GPHN: variants seen among roughly 807,000 people sequenced by gnomAD.
The protein encoded by GPHN is gephyrin.
Under a neutral mutation model 95.5 loss-of-function variants are expected in GPHN, and 17 were observed. The observed-to-expected ratio is 0.18, with a 90% CI of 0.12 to 0.27. GPHN has a LOEUF of 0.27. GPHN is among the 10% of genes least tolerant of loss of function. The probability of loss-of-function intolerance (pLI) is 1.00; values close to 1 mark genes in which losing one functional copy is unlikely to be tolerated. For synonymous variants in GPHN, 320 were observed against 322.5 expected (o/e 0.99, Z 0.08); for missense variants, 660 against 978.1 (o/e 0.67, Z 4.34).
At chr14:66,859,033 C>G (rs1207753175) in intron 4 of GPHN, among the ~76,000 whole-genome samples, 9 of 152,008 alleles carry the variant, frequency 5.9e-5, no homozygotes, top group Admixed American at 5.2e-4. Context: ...TAATTCCAGT[C>G]CCTCGCTCCC....
At chr14:67,673,189 A>G in the GPHN span, among the ~76,000 whole-genome samples, 1 of 152,184 alleles carries the variant, frequency 6.6e-6, no homozygotes. Context: ...CTAAAAATAC[A>G]AAAATAATTA....
intron 1 of GPHN, among the ~76,000 whole-genome samples, chr14:66,572,859 C>G (rs2060751961): frequency 2.0e-5 from 3 of 152,154 alleles, no homozygotes; most frequent in Admixed American, 2.0e-4. Context: ...AAGCTTTCAA[C>G]TTTCTACTGT....
chr14:67,712,156 G>A, the GPHN span, among the ~76,000 whole-genome samples: 6 of 152,020 alleles, frequency 3.9e-5, no homozygotes, highest in African/African-American at 7.3e-5. Context: ...CTGACCTCAC[G>A]TGATCCACAC....
chr14:67,343,459 T>C, the GPHN span: 1 of 1,514,822 alleles, frequency 6.6e-7, no homozygotes, highest in Non-Finnish European at 9.2e-7. Context: ...AACAAATTAA[T>C]AATGTAAGCA....
intron 2 of GPHN, among the ~76,000 whole-genome samples, chr14:66,722,098 T>C (rs2070804614): frequency 6.6e-6 from 1 of 151,944 alleles, no homozygotes; most frequent in Non-Finnish European, 1.5e-5. Flanking sequence ...CTTTATTACT[T>C]ATAAACAAAG....
At chr14:67,121,397 A>G (rs2079003351) in intron 16 of GPHN, among the ~76,000 whole-genome samples, 1 of 152,188 alleles carries the variant, frequency 6.6e-6, no homozygotes, top group South Asian at 2.1e-4. Context: ...TAAAGAAAGG[A>G]AAGAGAATCA....
the GPHN span, chr14:67,569,933 C>T: frequency 6.2e-7 from 1 of 1,607,718 alleles, no homozygotes; most frequent in Non-Finnish European, 8.5e-7. Context: ...TCAAGCCCTC[C>T]TGCCCTTGTT....
chr14:67,405,672 T>C, the GPHN span, among the ~76,000 whole-genome samples: 1 of 152,224 alleles, frequency 6.6e-6, no homozygotes, highest in South Asian at 2.1e-4. Context: ...GGCTTCTTAT[T>C]GGCATTCTCT....
the GPHN span, among the ~76,000 whole-genome samples, chr14:67,393,741 A>G: frequency 1.5e-4 from 23 of 152,240 alleles, no homozygotes; most frequent in African/African-American, 5.1e-4. Flanking sequence ...GGTGTGAGCC[A>G]CCGTGCCTGG....
At chr14:67,347,720 G>A in the GPHN span, among the ~76,000 whole-genome samples, 1 of 151,818 alleles carries the variant, frequency 6.6e-6, no homozygotes, top group Admixed American at 6.6e-5. Flanking sequence ...GGTTGGTCTT[G>A]AACTTCCGAC....
chr14:67,424,688 C>G, the GPHN span, among the ~76,000 whole-genome samples: 2 of 151,870 alleles, frequency 1.3e-5, no homozygotes, highest in East Asian at 3.9e-4. Flanking sequence ...ATCCGGCATT[C>G]TCCCTGGTCT....
the GPHN span, among the ~76,000 whole-genome samples, chr14:67,700,485 G>A: frequency 6.6e-6 from 1 of 152,048 alleles, no homozygotes; most frequent in Admixed American, 6.6e-5. Flanking sequence ...GGAGGCCGAG[G>A]TGGGCAGATC....
chr14:67,112,010 A>T (rs41301475), intron 15 of GPHN, 91 bp downstream of exon 15: 4 of 968,234 alleles, frequency 4.1e-6, no homozygotes, highest in Non-Finnish European at 3.3e-6. Flanking sequence ...ATCTGCAGCC[A>T]TGTCAGTTAG....
At chr14:67,571,729 T>C in the GPHN span, 5 of 1,604,656 alleles carry the variant, frequency 3.1e-6, no homozygotes, top group Non-Finnish European at 4.3e-6. Flanking sequence ...TGAGCTGCAG[T>C]GAGGGAGGGG....
chr14:66,557,681 A>G (rs1448839238), intron 1 of GPHN, among the ~76,000 whole-genome samples: 1 of 152,186 alleles, frequency 6.6e-6, no homozygotes. Context: ...GTTAAGTTAC[A>G]AGAAAGGTAG....
At chr14:67,609,021 C>G in the GPHN span, among the ~76,000 whole-genome samples, 1 of 152,170 alleles carries the variant, frequency 6.6e-6, no homozygotes, top group African/African-American at 2.4e-5. Context: ...CAACTCAGTC[C>G]CACAAAAGTG....
chr14:67,392,863 G>C, the GPHN span: 3 of 1,598,940 alleles, frequency 1.9e-6, no homozygotes, highest in Admixed American at 5.1e-5. Context: ...GCCAAGGGCA[G>C]CACCAGTCAG....
chr14:67,338,703 TC>T, the GPHN span: 1 of 1,613,856 alleles, frequency 6.2e-7, no homozygotes, highest in Non-Finnish European at 8.5e-7. Flanking sequence ...TCTCCTTTGC[TC>T]CAAGTCCTTC....
At chr14:67,420,473 T>C in the GPHN span, among the ~76,000 whole-genome samples, 1 of 152,244 alleles carries the variant, frequency 6.6e-6, no homozygotes, top group Non-Finnish European at 1.5e-5. Flanking sequence ...GATTGAATTC[T>C]GATTTTGACC....
Sources: allele counts gnomAD v4.1 joint callset (sites outside exome capture counted in the v4.1 genomes callset), GRCh38; gene constraint gnomAD v4.1.1; transcripts MANE v1.5; gene names NCBI Gene and HGNC (gene_info 2026-07-23, HGNC 2026-07-21).